The following LDAH variants were observed in gnomAD, a reference collection of about 807,000 sequenced individuals.
LDAH encodes lipid droplet associated hydrolase.
A neutral mutation model predicts 29.6 loss-of-function variants in LDAH; 26 were observed. The observed-to-expected ratio is 0.88, with a 90% CI of 0.64 to 1.22. LDAH has a LOEUF of 1.22. Ranked by LOEUF, LDAH falls within the 50% of genes most tolerant of loss-of-function variation. The pLI, the probability that LDAH is intolerant of heterozygous loss-of-function variation, is 0.00. For synonymous variants in LDAH, 117 were observed against 133.0 expected (o/e 0.88, Z 0.83); for missense variants, 344 against 387.3 (o/e 0.89, Z 0.94).
intron 4 of LDAH, among the ~76,000 whole-genome samples, chr2:20,746,890 T>C (rs890428880): frequency 2.6e-5 from 4 of 152,178 alleles, no homozygotes; most frequent in African/African-American, 9.6e-5. Context: ...CAGAATGAAC[T>C]TTTGATAATG....
At chr2:20,741,951 A>C (rs1667206171) in intron 4 of LDAH, among the ~76,000 whole-genome samples, 1 of 152,212 alleles carries the variant, frequency 6.6e-6, no homozygotes, top group Admixed American at 6.5e-5. Context: ...TCTCTGATAT[A>C]TTAATTTTAT....
chr2:20,689,685 T>G (rs1397997500), intron 6 of LDAH, among the ~76,000 whole-genome samples: 1 of 152,200 alleles, frequency 6.6e-6, no homozygotes, highest in African/African-American at 2.4e-5. Context: ...AGCAATCTTT[T>G]CGATTGTATT....
At chr2:20,793,079 C>T (rs894586815) in intron 2 of LDAH, among the ~76,000 whole-genome samples, 1 of 152,078 alleles carries the variant, frequency 6.6e-6, no homozygotes, top group African/African-American at 2.4e-5. Flanking sequence ...AGAATTACAG[C>T]TTCTTTTAGC....
intron 5 of LDAH, among the ~76,000 whole-genome samples, chr2:20,706,704 T>TAAAAAAAAAAA (rs72339311): frequency 8.5e-6 from 1 of 118,294 alleles, no homozygotes. Context: ...CTGAAACAAC[T>TAAAAAAAAAAA]AAAAAAAAAA....
chr2:20,747,509 C>A (rs900811537), intron 4 of LDAH, among the ~76,000 whole-genome samples: 2 of 152,142 alleles, frequency 1.3e-5, no homozygotes, highest in Admixed American at 6.6e-5. Flanking sequence ...TGCTAGCTGT[C>A]AAAACATAGG....
intron 5 of LDAH, among the ~76,000 whole-genome samples, chr2:20,714,052 C>A (rs1361508814): frequency 6.6e-6 from 1 of 152,218 alleles, no homozygotes; most frequent in Non-Finnish European, 1.5e-5. Context: ...CTACAGAACA[C>A]TCCACCCCAA....
chr2:20,754,851 A>G (rs1411780603), intron 4 of LDAH, among the ~76,000 whole-genome samples: 1 of 152,240 alleles, frequency 6.6e-6, no homozygotes, highest in African/African-American at 2.4e-5. Flanking sequence ...ATAAAGGAAC[A>G]TGAAAATTCA....
intron 3 of LDAH, among the ~76,000 whole-genome samples, chr2:20,789,532 CTG>C (rs545698734): frequency 1.9e-4 from 29 of 152,196 alleles, no homozygotes; most frequent in Non-Finnish European, 3.5e-4. Context: ...CTAACCCACA[CTG>C]TGTTTTCTCC....
chr2:20,778,289 A>C (rs1669953094), intron 3 of LDAH, among the ~76,000 whole-genome samples: 1 of 152,192 alleles, frequency 6.6e-6, no homozygotes, highest in African/African-American at 2.4e-5. Flanking sequence ...ATATCACTTC[A>C]CAGCTCACCT....
chr2:20,787,996 C>T (rs1237200690), intron 3 of LDAH, among the ~76,000 whole-genome samples: 1 of 152,148 alleles, frequency 6.6e-6, no homozygotes, highest in Non-Finnish European at 1.5e-5. Flanking sequence ...AGGCTTTAGG[C>T]TGAAAATGTT....
Position 20,806,833 on chromosome 2 carries a change from A to C in LDAH, c.-2-5368T>G, listed in dbSNP as rs928652305. Among the ~76,000 whole-genome samples, 7 of 152,048 alleles carry C rather than the reference A, an allele frequency of 4.6e-5. No individual in the cohort carries two copies. In the South Asian group the frequency reaches 1.5e-3, roughly 32 times the overall value. ...AAAGTTTTGAAATGCATATATTAGAAAACAAGGCTGCAAATAAAGGACTTA... is the reference window on the plus strand; with the variant it reads ...AAAGTTTTGAAATGCATATATTAGACAACAAGGCTGCAAATAAAGGACTTA... On this transcript the variant is annotated intron_variant, in intron 1 of 6. Coordinates refer to ENST00000237822, the MANE Select transcript of LDAH (RefSeq NM_021925.4).
chr2:20,685,114 T>C lies in LDAH; in HGVS notation c.*1789A>G. 1.5e-6 allele frequency: 1 copy of C among 676,358 alleles called. No homozygotes were observed. The highest frequency in any genetic ancestry group is 2.2e-6 in the Non-Finnish European group (1 of 445,786). The allele number at this position is 676,358 out of a possible 1,614,324, so 41.9% of individuals were successfully genotyped here. A position where few individuals can be genotyped will look rare whatever the true frequency, so the allele number is the denominator to read the frequency against. ...TTGGTTTTCAGATGATAAATAGGAA[T>C]TAAGAATGAGTATCTTTCTTAGGCT... On this transcript the variant is annotated 3_prime_UTR_variant, in exon 7 of 7. Transcript: ENST00000237822.
chr2:20,797,720 A>G (rs958153826), intron 2 of LDAH, among the ~76,000 whole-genome samples: 3 of 152,238 alleles, frequency 2.0e-5, no homozygotes, highest in Non-Finnish European at 2.9e-5. Context: ...GGAAAACTAA[A>G]GACTAATGCA....
intron 4 of LDAH, among the ~76,000 whole-genome samples, chr2:20,769,501 C>T (rs1029432144): frequency 6.6e-6 from 1 of 152,174 alleles, no homozygotes; most frequent in African/African-American, 2.4e-5. Context: ...TGACAGCAGA[C>T]ATGAAGGCTC....
intron 1 of LDAH, among the ~76,000 whole-genome samples, chr2:20,813,497 GCACT>G (rs1672643816): frequency 1.3e-5 from 2 of 152,144 alleles, no homozygotes; most frequent in Admixed American, 6.5e-5. Flanking sequence ...CTGGTGCCAA[GCACT>G]CAATTAGTTC....
Position 20,740,349 on chromosome 2 carries a change from C to T in LDAH, c.469-144G>A, listed in dbSNP as rs867964770. 1.9e-5 allele frequency: 12 copies of T among 639,602 alleles called. 1 individual carries two copies. The Middle Eastern group carries it at 3.0e-3, about 161-fold the overall frequency. The allele number at this position is 639,602 out of a possible 1,614,324, so 39.6% of individuals were successfully genotyped here. On this transcript the variant is annotated intron_variant, in intron 4 of 6. Coordinates refer to ENST00000237822, the MANE Select transcript of LDAH (RefSeq NM_021925.4). ...CAGAGTGAGAAGAACCACCACTCAC[C>T]ACCCTCTCAGCCTATAACTAGGCAA...
chr2:20,789,767 G>A lies in LDAH; in HGVS notation c.298+488C>T, dbSNP rs187602565. ...GAGCTCTGCCTCCTGTCAGATCAGC[G>A]GCAGCAATGGATTCTCATAGGAGTA... On this transcript the variant is annotated intron_variant, in intron 3 of 6. Coordinates refer to ENST00000237822, the MANE Select transcript of LDAH (RefSeq NM_021925.4). 7.3e-3 allele frequency among the ~76,000 whole-genome samples: 1,117 copies of A among 152,246 alleles called. 6 individuals are homozygous for A. The highest frequency in any genetic ancestry group is 0.014 in the Middle Eastern group (4 of 294).
At chr2:20,742,801 T>G (rs1399019822) in intron 4 of LDAH, among the ~76,000 whole-genome samples, 10 of 148,680 alleles carry the variant, frequency 6.7e-5, no homozygotes, top group Non-Finnish European at 1.5e-5. Context: ...TCCTTTTTTT[T>G]TTTTTTTTTT....
intron 4 of LDAH, among the ~76,000 whole-genome samples, chr2:20,741,503 A>G (rs773272228): frequency 6.6e-6 from 1 of 152,148 alleles, no homozygotes; most frequent in Non-Finnish European, 1.5e-5. Flanking sequence ...TTCCAGCATC[A>G]TTTGTTATAA....
Sources: allele counts gnomAD v4.1 joint callset (sites outside exome capture counted in the v4.1 genomes callset), GRCh38; gene constraint gnomAD v4.1.1; transcripts MANE v1.5; gene names NCBI Gene and HGNC (gene_info 2026-07-23, HGNC 2026-07-21).